Variants in CLNK observed in about 807,000 individuals in gnomAD.
CLNK encodes cytokine-dependent hematopoietic cell linker.
CLNK carries 74 observed loss-of-function variants against 68.6 expected under a neutral mutation model. The ratio of observed to expected loss-of-function variants is 1.08; its 90% CI spans 0.89 to 1.31. CLNK has a LOEUF of 1.31. CLNK is among the 50% of genes most tolerant of loss of function. The pLI, the probability that CLNK is intolerant of heterozygous loss-of-function variation, is 0.00. For synonymous variants in CLNK, 198 were observed against 172.2 expected (o/e 1.15, Z -1.17); for missense variants, 553 against 515.3 (o/e 1.07, Z -0.71).
the CLNK span, among the ~76,000 whole-genome samples, chr4:10,731,768 G>A: frequency 2.6e-5 from 4 of 152,206 alleles, no homozygotes; most frequent in Non-Finnish European, 5.9e-5. Context: ...ACATGTAGTA[G>A]TATCAGTTAC....
intron 3 of CLNK, among the ~76,000 whole-genome samples, chr4:10,591,832 C>G (rs1205793747): frequency 2.0e-5 from 3 of 152,240 alleles, no homozygotes; most frequent in African/African-American, 7.2e-5. Flanking sequence ...ATAAGTGAAT[C>G]CATGGGTTCA....
chr4:10,540,559 C>T lies in CLNK; in HGVS notation c.537G>A (p.Glu179=), dbSNP rs1449838053. ...ATAAAGGTGGCCTGCTGCTCTCCGG[C>T]TCAGGGGGCAAGGGTTGGTACTTCT... ...LPKKYQPLPP[E]PESSRPPLSQ... The change falls in exon 11 of 19, where the codon GAG becomes GAA. Residue 179 remains glutamate (E), a synonymous_variant. Coordinates refer to ENST00000226951, the MANE Select transcript of CLNK (RefSeq NM_052964.4). 2 of 1,613,806 alleles carry T rather than the reference C, an allele frequency of 1.2e-6. No homozygotes were observed. The highest frequency in any genetic ancestry group is 1.7e-6 in the Non-Finnish European group (2 of 1,179,866).
At chr4:10,500,917 C>T (rs1264840410) in intron 18 of CLNK, among the ~76,000 whole-genome samples, 4 of 152,182 alleles carry the variant, frequency 2.6e-5, no homozygotes, top group Admixed American at 2.0e-4. Context: ...TCAGAAATGT[C>T]TGCAGTGGCA....
At chr4:10,510,607 T>G (rs924904337) in intron 16 of CLNK, among the ~76,000 whole-genome samples, 13 of 152,286 alleles carry the variant, frequency 8.5e-5, no homozygotes, top group Admixed American at 7.2e-4. Context: ...GCCTCATAGC[T>G]CTTCGGCACT....
At chr4:10,514,635 A>C (rs1281464067) in intron 15 of CLNK, among the ~76,000 whole-genome samples, 1 of 151,232 alleles carries the variant, frequency 6.6e-6, no homozygotes, top group Non-Finnish European at 1.5e-5. Context: ...TTAGACCAAA[A>C]ACCATAAAAA....
intron 5 of CLNK, among the ~76,000 whole-genome samples, chr4:10,567,858 C>A (rs1276317711): frequency 1.3e-5 from 2 of 152,068 alleles, no homozygotes; most frequent in Non-Finnish European, 2.9e-5. Context: ...AAATGCAACT[C>A]AAAAGCACAA....
At chr4:10,522,367 A>G (rs1038376736) in intron 14 of CLNK, among the ~76,000 whole-genome samples, 10 of 152,042 alleles carry the variant, frequency 6.6e-5, no homozygotes, top group African/African-American at 2.4e-4. Flanking sequence ...TGAGGTCAGG[A>G]GTTCAAGACC....
At chr4:10,657,563 C>T (rs1384508490) in intron 2 of CLNK, among the ~76,000 whole-genome samples, 2 of 152,144 alleles carry the variant, frequency 1.3e-5, no homozygotes, top group African/African-American at 2.4e-5. Flanking sequence ...TAAAACTCCT[C>T]GAATCTTTGC....
intron 2 of CLNK, among the ~76,000 whole-genome samples, chr4:10,625,690 A>T (rs1293816884): frequency 6.6e-6 from 1 of 152,134 alleles, no homozygotes; most frequent in Non-Finnish European, 1.5e-5. Flanking sequence ...AGTGACAGAG[A>T]CAGACAGGCA....
chr4:10,543,095 A>G (rs1465958526), intron 8 of CLNK, among the ~76,000 whole-genome samples: 4 of 152,176 alleles, frequency 2.6e-5, no homozygotes, highest in Non-Finnish European at 5.9e-5. Context: ...GGGATGTGAC[A>G]CTGTGAAGAT....
Position 10,564,657 on chromosome 4 carries a change from C to A in CLNK, c.399+14G>T. On this transcript the variant is annotated intron_variant, in intron 7 of 18. Coordinates refer to ENST00000226951, the MANE Select transcript of CLNK (RefSeq NM_052964.4). ...CTACACATGTTTGTGTCACAATGTC[C>A]AGTCTTTACTCACTCTTTCCAACCT... The A allele has an allele frequency of 6.4e-7, 1 of 1,558,448 alleles. No individual in the cohort carries two copies. Among genetic ancestry groups the A allele is most frequent in the Non-Finnish European group, 8.9e-7 (1 of 1,129,536 alleles).
chr4:10,657,951 A>G (rs900193438), intron 2 of CLNK, among the ~76,000 whole-genome samples: 4 of 152,224 alleles, frequency 2.6e-5, no homozygotes, highest in Non-Finnish European at 5.9e-5. Flanking sequence ...GTTATTCTTT[A>G]CATTAAATCT....
the CLNK span, among the ~76,000 whole-genome samples, chr4:10,727,190 G>A: frequency 6.6e-6 from 1 of 152,334 alleles, no homozygotes; most frequent in Admixed American, 6.5e-5. Flanking sequence ...CTCATATAGA[G>A]CAAGAGCCAT....
chr4:10,591,144 C>A (rs113725119), intron 3 of CLNK, among the ~76,000 whole-genome samples: 1 of 152,268 alleles, frequency 6.6e-6, no homozygotes, highest in South Asian at 2.1e-4. Context: ...CCTGTGTCAT[C>A]CTAGAGGTCG....
chr4:10,543,835 T>G (rs1406454740), intron 8 of CLNK, among the ~76,000 whole-genome samples: 1 of 152,244 alleles, frequency 6.6e-6, no homozygotes, highest in Non-Finnish European at 1.5e-5. Context: ...CAAACACTGA[T>G]TGCACACAGA....
At chr4:10,677,830 A>G (rs542237457) in intron 1 of CLNK, among the ~76,000 whole-genome samples, 1 of 149,946 alleles carries the variant, frequency 6.7e-6, no homozygotes, top group Non-Finnish European at 1.5e-5. Flanking sequence ...TGGACTAATA[A>G]AAATAGCAAT....
At chr4:10,723,745 C>A in the CLNK span, among the ~76,000 whole-genome samples, 1 of 152,044 alleles carries the variant, frequency 6.6e-6, no homozygotes, top group Admixed American at 6.6e-5. Context: ...TAGTAGATAA[C>A]ACAGGTTTGT....
At chr4:10,685,024 A>G (rs913429898), upstream of CLNK, 1 of 152,174 alleles carries the variant, frequency 6.6e-6, no homozygotes, top group African/African-American at 2.4e-5. Context: ...ACCAGAACAC[A>G]ATAAAAGGAA....
rs550186539 is a variant in CLNK, at chr4:10,486,859, G to C, written c.*3608C>G. On this transcript the variant is annotated 3_prime_UTR_variant, in exon 19 of 19. Coordinates refer to ENST00000226951, the MANE Select transcript of CLNK (RefSeq NM_052964.4). ...AAAATAGAAATCCAATCCAGTAATG[G>C]GAAACTGACTTAGATTATCTTATTT... 7.9e-5 allele frequency: 12 copies of C among 152,182 alleles called. No individual in the cohort carries two copies. In the East Asian group the frequency reaches 2.3e-3, roughly 29 times the overall value. 9.4% of individuals were successfully genotyped at this position (152,182 alleles called of 1,614,324 possible). A position where few individuals can be genotyped will look rare whatever the true frequency, so the allele number is the denominator to read the frequency against.
Sources: gnomAD v4.1 joint callset for allele counts (sites outside exome capture counted in the v4.1 genomes callset) on GRCh38, gnomAD v4.1.1 for gene constraint, MANE v1.5 for transcripts, NCBI Gene and HGNC (gene_info 2026-07-23, HGNC 2026-07-21) for gene names.